The following VWC2L variants were observed in gnomAD, a reference collection of about 807,000 sequenced individuals.
The protein encoded by VWC2L is von Willebrand factor C domain containing 2 like.
Under a neutral mutation model 21.6 loss-of-function variants are expected in VWC2L, and 10 were observed. That is an observed-to-expected ratio of 0.46 (90% CI 0.29 to 0.78). The LOEUF is 0.78. VWC2L is among the 30% of genes least tolerant of loss of function. VWC2L has a pLI of 0.10. For missense variants in VWC2L, 209 were observed against 277.1 expected (o/e 0.75, Z 1.74); for synonymous variants, 96 against 94.3 (o/e 1.02, Z -0.10).
chr2:214,473,144 G>A (rs1703335030), intron 3 of VWC2L, among the ~76,000 whole-genome samples: 1 of 152,130 alleles, frequency 6.6e-6, no homozygotes, highest in Admixed American at 6.6e-5. Context: ...AAGATTATTT[G>A]AAAGTAAGCA....
chr2:214,476,798 T>A (rs1462113566), intron 3 of VWC2L, among the ~76,000 whole-genome samples: 5 of 152,208 alleles, frequency 3.3e-5, no homozygotes, highest in Admixed American at 3.3e-4. Context: ...TCTCTCCCTT[T>A]TAAGATATTG....
chr2:214,575,686 G>T lies in VWC2L; in HGVS notation c.535G>T (p.Ala179Ser), dbSNP rs1251865938. The T allele has an allele frequency of 6.2e-7, 1 of 1,613,332 alleles. No individual in the cohort carries two copies. Among genetic ancestry groups the T allele is most frequent in the South Asian group, 1.1e-5 (1 of 91,066 alleles). The change falls in exon 4 of 4, where the codon GCA (alanine) becomes TCA (serine). Residue 179 changes from alanine to serine, a missense_variant. Coordinates refer to ENST00000312504, the MANE Select transcript of VWC2L (RefSeq NM_001080500.4). Reference sequence around the variant, plus strand: ...GTGTGTTTCAGGTCCAAACTGCTTTGCAGGAACGACGATAATTCCAGCTGG... The same window carrying T: ...GTGTGTTTCAGGTCCAAACTGCTTTTCAGGAACGACGATAATTCCAGCTGG... The part of the protein sequence containing the change: ...PVCKNGPNCF[A>S]GTTIIPAGIE...
At chr2:214,558,888 T>C (rs1360212676) in intron 3 of VWC2L, among the ~76,000 whole-genome samples, 1 of 152,072 alleles carries the variant, frequency 6.6e-6, no homozygotes, top group Non-Finnish European at 1.5e-5. Context: ...TTTTTTATTA[T>C]ACTTTAAGTT....
At chr2:214,550,738 T>C (rs1418969011) in intron 3 of VWC2L, among the ~76,000 whole-genome samples, 1 of 152,194 alleles carries the variant, frequency 6.6e-6, no homozygotes, top group Non-Finnish European at 1.5e-5. Context: ...ACAATCACAA[T>C]AGCTTTGTAA....
chr2:214,571,686 T>G (rs1690151293), intron 3 of VWC2L, among the ~76,000 whole-genome samples: 1 of 152,210 alleles, frequency 6.6e-6, no homozygotes, highest in African/African-American at 2.4e-5. Flanking sequence ...ATCTGACAAC[T>G]TAAACCATAC....
chr2:214,549,763 C>G (rs1206166544), intron 3 of VWC2L, among the ~76,000 whole-genome samples: 10 of 152,230 alleles, frequency 6.6e-5, no homozygotes. Context: ...CAGAGCGAGA[C>G]TCCGTCTCAA....
At chr2:214,522,393 A>AC (rs1689257896) in intron 3 of VWC2L, among the ~76,000 whole-genome samples, 1 of 151,418 alleles carries the variant, frequency 6.6e-6, no homozygotes, top group Admixed American at 6.6e-5. Context: ...AAAAAAAAAA[A>AC]AAATTGCATT....
At chr2:214,442,602 T>C (rs1249986583) in intron 3 of VWC2L, among the ~76,000 whole-genome samples, 1 of 152,100 alleles carries the variant, frequency 6.6e-6, no homozygotes, top group Non-Finnish European at 1.5e-5. Context: ...AGAACTTTGA[T>C]ATTTTATTTC....
At chr2:214,412,025 C>CTT (rs200948692) in intron 1 of VWC2L, among the ~76,000 whole-genome samples, 2 of 150,088 alleles carry the variant, frequency 1.3e-5, no homozygotes, top group African/African-American at 4.9e-5. Context: ...ATTATGAAGG[C>CTT]TTTTTTTTAA....
chr2:214,479,551 T>C (rs1688572350), intron 3 of VWC2L, among the ~76,000 whole-genome samples: 1 of 152,198 alleles, frequency 6.6e-6, no homozygotes. Flanking sequence ...ACGCCTGTTA[T>C]CCCAGCAGTT....
chr2:214,469,141 T>C (rs1210965553), intron 3 of VWC2L, among the ~76,000 whole-genome samples: 1 of 152,022 alleles, frequency 6.6e-6, no homozygotes, highest in Non-Finnish European at 1.5e-5. Context: ...TGATGAAAAA[T>C]ATACAAAATG....
At chr2:214,572,181 G>T (rs1690159421) in intron 3 of VWC2L, among the ~76,000 whole-genome samples, 1 of 152,200 alleles carries the variant, frequency 6.6e-6, no homozygotes, top group Admixed American at 6.5e-5. Context: ...TTCACATGAT[G>T]TGTAAGTGTG....
chr2:214,481,363 A>G (rs1265327859), intron 3 of VWC2L, among the ~76,000 whole-genome samples: 1 of 152,196 alleles, frequency 6.6e-6, no homozygotes, highest in African/African-American at 2.4e-5. Context: ...CTGAATTATG[A>G]GAGACTATGT....
chr2:214,517,704 A>C (rs1279514512), intron 3 of VWC2L, among the ~76,000 whole-genome samples: 2 of 152,232 alleles, frequency 1.3e-5, no homozygotes, highest in African/African-American at 4.8e-5. Context: ...CAGAGCAAAG[A>C]AAATAAGAAA....
intron 3 of VWC2L, among the ~76,000 whole-genome samples, chr2:214,520,306 A>C (rs1332604059): frequency 6.6e-6 from 1 of 152,188 alleles, no homozygotes; most frequent in Non-Finnish European, 1.5e-5. Flanking sequence ...ACATCATGTC[A>C]AAAACACTTT....
chr2:214,572,286 G>A (rs1000806309), intron 3 of VWC2L, among the ~76,000 whole-genome samples: 1 of 152,126 alleles, frequency 6.6e-6, no homozygotes, highest in African/African-American at 2.4e-5. Flanking sequence ...TACATAATAA[G>A]CCTTCATTCT....
At position 214,421,786 on chromosome 2, in the gene VWC2L, A is replaced by G. The variant is rs915476764; in HGVS notation, c.390+7203A>G. ...AACTGTACATGGTTTTGGATATGTTAAAAAAAATTGCCTATTTTTAATTGT... is the reference window on the plus strand; with the variant it reads ...AACTGTACATGGTTTTGGATATGTTGAAAAAAATTGCCTATTTTTAATTGT... On this transcript the variant is annotated intron_variant, in intron 2 of 3. Coordinates refer to ENST00000312504, the MANE Select transcript of VWC2L (RefSeq NM_001080500.4). Among the ~76,000 whole-genome samples, 11 of 71,448 alleles carry G rather than the reference A, an allele frequency of 1.5e-4. No individual in the cohort carries two copies. The East Asian group carries it at 2.5e-3, about 16-fold the overall frequency. The allele number at this position is 71,448 out of a possible 152,430, so 46.9% of individuals were successfully genotyped here. A position where few individuals can be genotyped will look rare whatever the true frequency, so the allele number is the denominator to read the frequency against.
chr2:214,545,821 C>T (rs1298794487), intron 3 of VWC2L, among the ~76,000 whole-genome samples: 2 of 152,110 alleles, frequency 1.3e-5, no homozygotes, highest in Non-Finnish European at 2.9e-5. Flanking sequence ...CCCATGGGTC[C>T]TCACTATACA....
Position 214,576,585 on chromosome 2 carries a change from G to T in VWC2L, c.*765G>T, listed in dbSNP as rs1170575640. 6.6e-6 allele frequency: 1 copy of T among 152,152 alleles called. No individual in the cohort carries two copies. The highest frequency in any genetic ancestry group is 1.5e-5 in the Non-Finnish European group (1 of 68,030). 9.4% of individuals were successfully genotyped at this position (152,152 alleles called of 1,614,324 possible). On this transcript the variant is annotated 3_prime_UTR_variant, in exon 4 of 4. Transcript: ENST00000312504. ...AGCTCAACTAAAGAATCCAAAGAGA[G>T]ACAGATCTTTAAAATTGTAGCATTA...
Sources: allele counts gnomAD v4.1 joint callset (sites outside exome capture counted in the v4.1 genomes callset), GRCh38; gene constraint gnomAD v4.1.1; transcripts MANE v1.5; gene names NCBI Gene and HGNC (gene_info 2026-07-23, HGNC 2026-07-21).